The following ZNF596 variants were observed in gnomAD, a reference collection of about 807,000 sequenced individuals.
ZNF596 encodes the protein zinc finger protein 596.
A neutral mutation model predicts 48.3 loss-of-function variants in ZNF596; 45 were observed. The ratio of observed to expected loss-of-function variants is 0.93; its 90% CI spans 0.73 to 1.19. ZNF596 has a LOEUF of 1.19. Among genes scored for constraint, ZNF596 ranks in the 50% most tolerant of loss-of-function variants. The pLI is 0.00. For synonymous variants in ZNF596, 270 were observed against 202.0 expected, an observed-to-expected ratio of 1.34 and a Z score of -2.85; for missense variants, 848 against 599.7, an observed-to-expected ratio of 1.41 and a Z score of -4.32.
Position 242,947 on chromosome 8 carries a change from G to A in ZNF596, c.73G>A (p.Asp25Asn), listed in dbSNP as rs76280424. ...DFTQEEWALL[D>N]TSQRKLFQDV... ...CACTCAAGAAGAGTGGGCCCTGCTGGACACATCCCAGAGAAAGCTGTTTCA... is the reference window on the plus strand; with the variant it reads ...CACTCAAGAAGAGTGGGCCCTGCTGAACACATCCCAGAGAAAGCTGTTTCA... The change falls in exon 3 of 6, where the codon GAC (aspartate) becomes AAC (asparagine). Residue 25 changes from aspartate (D) to asparagine (N), a missense_variant. Asp to Asn is a conservative substitution (Grantham distance 23, BLOSUM62 1). Transcript: ENST00000398612. 1,103 of 1,611,314 alleles carry A rather than the reference G, an allele frequency of 6.8e-4. 9 individuals carry two copies. In the African/African-American group the frequency reaches 0.013, roughly 19 times the overall value.
intron 2 of ZNF596, 59 bp from the exon 3 acceptor site, chr8:242,828 C>T: frequency 1.4e-6 from 2 of 1,390,486 alleles, no homozygotes; most frequent in South Asian, 1.9e-5. Flanking sequence ...TTTGATCTTG[C>T]TCCACTGAAC....
chr8:245,181 C>G lies in ZNF596; in HGVS notation c.334C>G (p.Leu112Val). 1 of 1,602,246 alleles carries G rather than the reference C, an allele frequency of 6.2e-7. No homozygotes were observed. The highest frequency in any genetic ancestry group is 8.5e-7 in the Non-Finnish European group (1 of 1,173,052). ...MRSHTQEDPFLCNDLGEDFTQ... is the reference protein window; with the variant it reads ...MRSHTQEDPFVCNDLGEDFTQ... ...ATCTCATACTCAAGAGGATCCTTTT[C>G]TATGCAATGACTTAGGAGAAGATTT... is the stretch of plus-strand genomic sequence containing the variant. The change falls in exon 6 of 6, where the codon CTA becomes GTA. Residue 112 changes from leucine to valine, a missense_variant. Physicochemically the swap from Leu to Val is conservative, Grantham distance 32 (BLOSUM62 1). Coordinates refer to ENST00000398612, the MANE Select transcript of ZNF596 (RefSeq NM_001042416.3).
Position 246,498 on chromosome 8 carries a change from G to T in ZNF596, c.*136G>T. On this transcript the variant is annotated 3_prime_UTR_variant, in exon 6 of 6. Transcript: ENST00000398612. ...TCAACCTAAATGAATTCAAGGTAGA[G>T]AGAATCCAGATGTATTTAATGTTTA... The T allele has an allele frequency of 1.8e-6, 2 of 1,130,906 alleles. No individual in the cohort carries two copies. Among genetic ancestry groups the T allele is most frequent in the Non-Finnish European group, 2.5e-6 (2 of 815,126 alleles). The allele number at this position is 1,130,906 out of a possible 1,614,324, so 70.1% of individuals were successfully genotyped here. A position where few individuals can be genotyped will look rare whatever the true frequency, so the allele number is the denominator to read the frequency against.
intron 5 of ZNF596, among the ~76,000 whole-genome samples, 172 bp downstream of exon 5, chr8:244,873 T>G (rs958933630): frequency 6.6e-6 from 1 of 152,194 alleles, no homozygotes; most frequent in Non-Finnish European, 1.5e-5. Flanking sequence ...TGAGGCCTTA[T>G]GACAGGACAA....
chr8:234,170 A>G (rs1796534862), intron 1 of ZNF596, among the ~76,000 whole-genome samples: 1 of 152,224 alleles, frequency 6.6e-6, no homozygotes, highest in Admixed American at 6.5e-5. Context: ...AGAGAAAGAA[A>G]AAGCCTTGCC....
intron 1 of ZNF596, chr8:234,261 A>T (rs1271934122): frequency 6.6e-6 from 1 of 152,248 alleles, no homozygotes; most frequent in Non-Finnish European, 1.5e-5. Context: ...ACCAGTTGAT[A>T]TACCCACAGC....
chr8:239,679 TG>T (rs1223358406), intron 1 of ZNF596, among the ~76,000 whole-genome samples: 1 of 152,184 alleles, frequency 6.6e-6, no homozygotes, highest in African/African-American at 2.4e-5. Context: ...TCCAAGCAGT[TG>T]GGGGGTACCA....
chr8:245,272 A>C lies in ZNF596; in HGVS notation c.425A>C (p.Lys142Thr). ...ATGAGAACGAAACACTTTGTAAGCAAAAAGTTTGGGAAAATCTTCAGTGAC... is the reference window on the plus strand; with the variant it reads ...ATGAGAACGAAACACTTTGTAAGCACAAAGTTTGGGAAAATCTTCAGTGAC... ...TYMRTKHFVS[K>T]KFGKIFSDWL... Residue 142 changes from lysine to threonine, a missense_variant, in exon 6 of 6, where the codon AAA becomes ACA. Physicochemically the swap from Lys to Thr is moderately conservative, Grantham distance 78. Transcript: ENST00000398612. 1.2e-6 allele frequency: 2 copies of C among 1,614,108 alleles called. No homozygotes were observed. Among genetic ancestry groups the C allele is most frequent in the African/African-American group, 1.3e-5 (1 of 75,072 alleles).
At position 233,948 on chromosome 8, in the gene ZNF596, A is replaced by T. The variant is rs565237974; in HGVS notation, c.-73+1254A>T. 3.6e-3 allele frequency among the ~76,000 whole-genome samples: 543 copies of T among 152,186 alleles called. 4 individuals carry two copies. The highest frequency in any genetic ancestry group is 0.013 in the African/African-American group (530 of 41,512). On this transcript the variant is annotated intron_variant, in intron 1 of 5. Transcript: ENST00000398612. Reference sequence around the variant, plus strand: ...CATTCCTGTGAAGCTGGTGCTTGTTACTCTCTACTGGCTTCTGTTCACCTT... The same window carrying T: ...CATTCCTGTGAAGCTGGTGCTTGTTTCTCTCTACTGGCTTCTGTTCACCTT...
At chr8:240,967 G>A (rs1300734903) in intron 2 of ZNF596, 60 bp downstream of exon 2, 1 of 1,595,744 alleles carries the variant, frequency 6.3e-7, no homozygotes, top group Non-Finnish European at 8.6e-7. Flanking sequence ...CCTAAGGGCA[G>A]ATTCATCCTA....
Position 232,461 on chromosome 8 carries a change from C to G in ZNF596, c.-306C>G. Reference sequence around the variant, plus strand: ...GTGGCCAAACCCAGCCACGCAGTTCCCTTCCTGCGGCGTCCTCCACACCCG... The same window carrying G: ...GTGGCCAAACCCAGCCACGCAGTTCGCTTCCTGCGGCGTCCTCCACACCCG... On this transcript the variant is annotated 5_prime_UTR_variant, in exon 1 of 6. Transcript: ENST00000398612. 3.6e-6 allele frequency: 1 copy of G among 277,052 alleles called. No individual in the cohort carries two copies. Among genetic ancestry groups the G allele is most frequent in the Non-Finnish European group, 7.5e-6 (1 of 132,920 alleles). The allele number at this position is 277,052 out of a possible 1,614,324, so 17.2% of individuals were successfully genotyped here. A position where few individuals can be genotyped will look rare whatever the true frequency, so the allele number is the denominator to read the frequency against.
intron 2 of ZNF596, among the ~76,000 whole-genome samples, chr8:242,000 C>A (rs529554196): frequency 1.3e-5 from 2 of 152,132 alleles, no homozygotes; most frequent in Non-Finnish European, 2.9e-5. Flanking sequence ...GGAAGTTCAC[C>A]CCCATGATTC....
rs770714365 is a variant in ZNF596 at position 245,655 on chromosome 8, G to A, written c.808G>A (p.Glu270Lys). 1.9e-5 allele frequency: 30 copies of A among 1,613,942 alleles called. No individual in the cohort carries two copies. Among genetic ancestry groups the A allele is most frequent in the African/African-American group, 2.7e-5 (2 of 74,898 alleles). The change falls in exon 6 of 6, where the codon GAG (glutamate) becomes AAG (lysine). Residue 270 changes from glutamate to lysine, a missense_variant. Coordinates refer to ENST00000398612, the MANE Select transcript of ZNF596 (RefSeq NM_001042416.3). Reference protein sequence around the residue: ...FSKSSNLRRHEMIHTREKAQI... With the variant: ...FSKSSNLRRHKMIHTREKAQI... ...TAAAAGTTCTAACCTTAGACGACAT[G>A]AGATGATTCACACTAGAGAAAAAGC...
intron 3 of ZNF596, chr8:243,263 T>C (rs17065155): frequency 0.018 from 6,407 of 347,974 alleles, 381 homozygotes; most frequent in African/African-American, 0.13. Context: ...TCTTGCTCTT[T>C]AATCTCCCAA....
intron 2 of ZNF596, among the ~76,000 whole-genome samples, chr8:241,346 TA>T (rs1191280427): frequency 6.6e-6 from 1 of 152,164 alleles, no homozygotes; most frequent in Non-Finnish European, 1.5e-5. Flanking sequence ...TTTCAGGTGT[TA>T]GGGGAGGGCT....
At chr8:238,981 A>C (rs1488917942) in intron 1 of ZNF596, among the ~76,000 whole-genome samples, 1 of 152,096 alleles carries the variant, frequency 6.6e-6, no homozygotes, top group African/African-American at 2.4e-5. Flanking sequence ...AAAGAATCAA[A>C]TATAGATTCT....
chr8:232,313 G>GCCTTTTTCTCTGCCTCC (rs1796434404), upstream of ZNF596: 1 of 156,184 alleles, frequency 6.4e-6, no homozygotes, highest in Non-Finnish European at 1.5e-5. Flanking sequence ...GCCCGGCCCC[G>GCCTTTTTCTCTGCCTCC]CCTTTTTCTC....
chr8:245,958 G>A lies in ZNF596; in HGVS notation c.1111G>A (p.Ala371Thr). 2.5e-6 allele frequency: 4 copies of A among 1,614,052 alleles called. No individual in the cohort carries two copies. Among genetic ancestry groups the A allele is most frequent in the Non-Finnish European group, 3.4e-6 (4 of 1,180,008 alleles). ...ACATGGATGTCATCTATGTGGGAAA[G>A]CATTCACTGAATCTTCTGTGCTTAA... ...KPHGCHLCGK[A>T]FTESSVLKRH... Residue 371 changes from alanine to threonine, a missense_variant, in exon 6 of 6, where the codon GCA (alanine) becomes ACA (threonine). Ala to Thr is a moderately conservative substitution (Grantham distance 58). Coordinates refer to ENST00000398612, the MANE Select transcript of ZNF596 (RefSeq NM_001042416.3).
In ZNF596 at chr8:242,882, T is replaced by C. The variant is rs982278017; in HGVS notation, c.13-5T>C. 3.2e-6 allele frequency: 5 copies of C among 1,544,938 alleles called. No homozygotes were observed. Among genetic ancestry groups the C allele is most frequent in the Non-Finnish European group, 4.4e-6 (5 of 1,137,660 alleles). ...GTTTGCAGTAGAATGTCCATAATGT[T>C]TTAGGATTCCATGACCTTCGAGGAT... On this transcript the variant is annotated splice_polypyrimidine_tract_variant and splice_region_variant and intron_variant, in intron 2 of 5. Transcript: ENST00000398612.
Sources: gnomAD v4.1 joint callset for allele counts (sites outside exome capture counted in the v4.1 genomes callset) on GRCh38, gnomAD v4.1.1 for gene constraint, MANE v1.5 for transcripts, NCBI Gene and HGNC (gene_info 2026-07-23, HGNC 2026-07-21) for gene names.